The following BCL9 variants were observed in gnomAD, a reference collection of about 807,000 sequenced individuals.
The protein encoded by BCL9 is BCL9 transcription coactivator, also known as B-cell CLL/lymphoma 9 protein.
BCL9 carries 25 observed loss-of-function variants against 88.5 expected under a neutral mutation model. That is an observed-to-expected ratio of 0.28 (90% confidence interval 0.21 to 0.39). The LOEUF (loss-of-function observed/expected upper bound fraction) is 0.39, where lower values mean the gene tolerates loss of function less well. Among genes scored for constraint, BCL9 ranks in the 10% least tolerant of loss-of-function variants. BCL9 has a pLI of 1.00. For missense variants in BCL9, 1,817 were observed against 1,877.8 expected, an observed-to-expected ratio of 0.97 and a Z score of 0.60; for synonymous variants, 711 against 673.3, an observed-to-expected ratio of 1.06 and a Z score of -0.87.
intron 1 of BCL9, among the ~76,000 whole-genome samples, chr1:147,592,071 A>G (rs1333345879): frequency 6.6e-6 from 1 of 152,194 alleles, no homozygotes; most frequent in African/African-American, 2.4e-5. Context: ...TGTAAAAGTC[A>G]CTATGAGATT....
chr1:147,623,447 T>C (rs1553205801), intron 9 of BCL9, among the ~76,000 whole-genome samples: 4 of 152,240 alleles, frequency 2.6e-5, no homozygotes, highest in African/African-American at 9.6e-5. Context: ...TTCTTTGTTA[T>C]GATTCCTGAT....
intron 1 of BCL9, among the ~76,000 whole-genome samples, chr1:147,589,260 G>A (rs1656746375): frequency 6.6e-6 from 1 of 152,088 alleles, no homozygotes. Context: ...CCGTTTTGGT[G>A]TTCAGTCACC....
intron 1 of BCL9, among the ~76,000 whole-genome samples, chr1:147,603,677 A>AG: frequency 3.0e-4 from 1 of 3,376 alleles, no homozygotes; most frequent in Non-Finnish European, 5.5e-4. Flanking sequence ...AATTTTTGTA[A>AG]ATTTTTTTTT....
chr1:147,589,839 T>A (rs1199292547), intron 1 of BCL9, among the ~76,000 whole-genome samples: 1 of 150,696 alleles, frequency 6.6e-6, no homozygotes, highest in Non-Finnish European at 1.5e-5. Context: ...TTATTTCTCT[T>A]AGATAGACAC....
rs1553204707 is a variant in BCL9, at chr1:147,619,695, C to A, written c.1540C>A (p.Pro514Thr). 6.2e-7 allele frequency: 1 copy of A among 1,611,938 alleles called. No individual in the cohort carries two copies. Among genetic ancestry groups the A allele is most frequent in the Non-Finnish European group, 8.5e-7 (1 of 1,179,152 alleles). ...CGGGCCTCGGGGAGTGGTCCGAGGACCCCCCCCTCCATACCAGATGACCCC... is the reference window on the plus strand; with the variant it reads ...CGGGCCTCGGGGAGTGGTCCGAGGAACCCCCCCTCCATACCAGATGACCCC... The part of the protein sequence containing the change: ...QHGPRGVVRG[P>T]PPPYQMTPSE... The change falls in exon 8 of 10, where the codon CCC becomes ACC. Residue 514 changes from proline (P) to threonine (T), a missense_variant. Pro to Thr is a conservative substitution (Grantham distance 38). Transcript: ENST00000234739. This position sits in a 1 kb window ranked among gnomAD's most constrained non-coding sequence, Gnocchi z 4.1.
intron 1 of BCL9, among the ~76,000 whole-genome samples, chr1:147,593,487 G>A (rs926604443): frequency 6.6e-6 from 1 of 151,966 alleles, no homozygotes; most frequent in South Asian, 2.1e-4. Flanking sequence ...TCTTCTGTAC[G>A]CCCAAAACAC....
chr1:147,599,688 G>C (rs1553200919), intron 1 of BCL9, among the ~76,000 whole-genome samples: 1 of 152,206 alleles, frequency 6.6e-6, no homozygotes, highest in Non-Finnish European at 1.5e-5. Flanking sequence ...CCTCCAGCCG[G>C]GTGACGGTCC....
chr1:147,545,894 C>A (rs1019371126), intron 1 of BCL9, among the ~76,000 whole-genome samples: 1 of 152,120 alleles, frequency 6.6e-6, no homozygotes, highest in Non-Finnish European at 1.5e-5. Flanking sequence ...TTATGTGACT[C>A]ACCCAAGGAC....
At chr1:147,593,448 C>T (rs1355841096) in intron 1 of BCL9, among the ~76,000 whole-genome samples, 1 of 152,176 alleles carries the variant, frequency 6.6e-6, no homozygotes, top group Non-Finnish European at 1.5e-5. Context: ...ATTGCATACT[C>T]TGACTCTCCT....
At chr1:147,554,240 G>T (rs1655008975) in intron 1 of BCL9, among the ~76,000 whole-genome samples, 1 of 152,048 alleles carries the variant, frequency 6.6e-6, no homozygotes, top group Non-Finnish European at 1.5e-5. Context: ...ATCAGCATTG[G>T]GTCCTTTCAT....
intron 1 of BCL9, among the ~76,000 whole-genome samples, chr1:147,601,295 G>T (rs186158458): frequency 1.3e-5 from 2 of 152,318 alleles, no homozygotes; most frequent in Admixed American, 1.3e-4. Context: ...AGATGGGATA[G>T]AATTGATGCA....
chr1:147,595,859 T>G (rs77245299), intron 1 of BCL9, among the ~76,000 whole-genome samples: 2,263 of 152,232 alleles, frequency 0.015, 23 homozygotes, highest in Non-Finnish European at 0.024. Context: ...TGGACAATGG[T>G]TAAATTGGAA....
At chr1:147,569,853 G>A (rs961484156) in intron 1 of BCL9, among the ~76,000 whole-genome samples, 2 of 152,128 alleles carry the variant, frequency 1.3e-5, no homozygotes, top group South Asian at 2.1e-4. Context: ...TAATGTAGGA[G>A]TGAGGGAGTA....
At position 147,570,631 on chromosome 1, in the gene BCL9, T is replaced by TTTTCC. The variant is rs1192801794; in HGVS notation, c.-478+28960_-478+28961insCCTTT. The stretch of plus-strand genomic sequence containing the variant: ...AACACAAAATTGTTGACTGATTTTC[T>TTTTCC]TTTTTTTCTTTTTTTTTTTTGTAGA... On this transcript the variant is annotated intron_variant, in intron 1 of 9. Transcript: ENST00000234739. Among the ~76,000 whole-genome samples the TTTTCC allele has an allele frequency of 1.4e-4, 8 of 58,024 alleles. No homozygotes were observed. The South Asian group carries it at 2.2e-3, about 16-fold the overall frequency. 38.1% of individuals were successfully genotyped at this position (58,024 alleles called of 152,430 possible). A position where few individuals can be genotyped will look rare whatever the true frequency, so the allele number is the denominator to read the frequency against.
At chr1:147,602,852 T>C (rs1657472790) in intron 1 of BCL9, among the ~76,000 whole-genome samples, 2 of 152,222 alleles carry the variant, frequency 1.3e-5, no homozygotes, top group African/African-American at 4.8e-5. Flanking sequence ...TATAATAAAC[T>C]AAATATTTGT....
chr1:147,561,832 T>G (rs782599841), intron 1 of BCL9, among the ~76,000 whole-genome samples: 13 of 151,910 alleles, frequency 8.6e-5, no homozygotes, highest in Non-Finnish European at 1.3e-4. Flanking sequence ...GCAGCGAGAG[T>G]GTCATGGAGA....
intron 9 of BCL9, among the ~76,000 whole-genome samples, chr1:147,623,299 G>A (rs1424649665): frequency 6.6e-6 from 1 of 152,154 alleles, no homozygotes; most frequent in East Asian, 1.9e-4. Flanking sequence ...CCCAGGGACT[G>A]TATTAGAATA....
chr1:147,622,675 A>C, intron 9 of BCL9, 144 bp downstream of exon 9: 1 of 1,047,908 alleles, frequency 9.5e-7, no homozygotes, highest in Non-Finnish European at 1.4e-6. Flanking sequence ...TTTCAGTAGA[A>C]TGAAAGTGTC....
chr1:147,561,415 C>A (rs1211309235), intron 1 of BCL9, among the ~76,000 whole-genome samples: 13 of 152,116 alleles, frequency 8.5e-5, no homozygotes, highest in Non-Finnish European at 1.6e-4. Context: ...ACAATGGAAA[C>A]CTATTTCCAG....
Sources: allele counts gnomAD v4.1 joint callset (sites outside exome capture counted in the v4.1 genomes callset), GRCh38; gene constraint gnomAD v4.1.1; non-coding constraint Gnocchi (gnomAD v3.1); transcripts MANE v1.5; gene names NCBI Gene and HGNC (gene_info 2026-07-23, HGNC 2026-07-21).